Variants in ETV5 observed in about 807,000 individuals in gnomAD.
ETV5 encodes ETS variant transcription factor 5.
A neutral mutation model predicts 70.0 loss-of-function variants in ETV5; 10 were observed. The observed-to-expected ratio is 0.14, with a 90% CI of 0.09 to 0.24. The LOEUF (loss-of-function observed/expected upper bound fraction) is 0.24. Among genes scored for constraint, ETV5 ranks in the 10% least tolerant of loss-of-function variants. The probability of loss-of-function intolerance (pLI) is 1.00; values close to 1 mark genes in which losing one functional copy is unlikely to be tolerated. For synonymous variants in ETV5, 216 were observed against 242.2 expected (o/e 0.89, Z 1.01); for missense variants, 453 against 651.2 (o/e 0.70, Z 3.31).
At chr3:186,063,186 C>T (rs992261890) in intron 9 of ETV5, among the ~76,000 whole-genome samples, 7 of 152,200 alleles carry the variant, frequency 4.6e-5, no homozygotes, top group South Asian at 2.1e-4. Flanking sequence ...AGGAGAATGG[C>T]GTGAACCTGG....
intron 5 of ETV5, among the ~76,000 whole-genome samples, chr3:186,104,459 T>G (rs1227497152): frequency 1.3e-5 from 2 of 152,024 alleles, no homozygotes; most frequent in African/African-American, 4.8e-5. Flanking sequence ...AAAGTAAGAG[T>G]AAATCAGGCC....
intron 7 of ETV5, chr3:186,079,290 A>C: frequency 4.3e-6 from 1 of 230,648 alleles, no homozygotes; most frequent in East Asian, 6.3e-5. Context: ...TGTAAAAACC[A>C]CCTGCAGTGT....
chr3:186,100,135 C>G (rs957897431), intron 5 of ETV5, among the ~76,000 whole-genome samples: 2 of 152,184 alleles, frequency 1.3e-5, no homozygotes, highest in African/African-American at 4.8e-5. Flanking sequence ...CAGTAAGGTA[C>G]TGGGCTAACT....
At chr3:186,078,046 A>G in intron 7 of ETV5, 3 of 1,055,992 alleles carry the variant, frequency 2.8e-6, no homozygotes, top group Non-Finnish European at 3.4e-6. Context: ...CAAATAACTC[A>G]TCAATCCCAG....
chr3:186,096,203 C>G (rs762474746), intron 5 of ETV5, among the ~76,000 whole-genome samples: 3 of 152,132 alleles, frequency 2.0e-5, no homozygotes, highest in Non-Finnish European at 4.4e-5. Flanking sequence ...CAGAAATTTT[C>G]TGAGTCGAGA....
intron 5 of ETV5, among the ~76,000 whole-genome samples, chr3:186,097,841 GTTGT>G (rs1714341285): frequency 1.3e-5 from 2 of 152,338 alleles, no homozygotes; most frequent in Non-Finnish European, 1.5e-5. Context: ...CAGTCCCAGT[GTTGT>G]TTGAGTTGGT....
intron 7 of ETV5, among the ~76,000 whole-genome samples, chr3:186,078,830 G>A (rs566097811): frequency 6.6e-6 from 1 of 152,084 alleles, no homozygotes; most frequent in Non-Finnish European, 1.5e-5. Context: ...AGCAAAACGG[G>A]AAGGGGATCA....
chr3:186,066,998 TA>T (rs1458774159), intron 7 of ETV5, among the ~76,000 whole-genome samples: 1 of 152,190 alleles, frequency 6.6e-6, no homozygotes, highest in East Asian at 1.9e-4. Context: ...GGTTCCAATA[TA>T]AAAAGTGAAA....
At chr3:186,091,916 C>G (rs865787981) in intron 5 of ETV5, among the ~76,000 whole-genome samples, 1 of 152,148 alleles carries the variant, frequency 6.6e-6, no homozygotes, top group Admixed American at 6.5e-5. Flanking sequence ...AAATTAGAGC[C>G]AAGTCTTGCC....
chr3:186,100,145 TAACA>T (rs1204877972), intron 5 of ETV5, among the ~76,000 whole-genome samples: 2 of 152,174 alleles, frequency 1.3e-5, no homozygotes, highest in Non-Finnish European at 1.5e-5. Flanking sequence ...CTGGGCTAAC[TAACA>T]AACACTTTGA....
At chr3:186,075,459 G>GA (rs1263034169) in intron 7 of ETV5, among the ~76,000 whole-genome samples, 1 of 152,134 alleles carries the variant, frequency 6.6e-6, no homozygotes, top group Non-Finnish European at 1.5e-5. Context: ...AAGAGAGGAA[G>GA]AAAAAACAAG....
At chr3:186,080,803 C>G in intron 6 of ETV5, 1 of 315,840 alleles carries the variant, frequency 3.2e-6, no homozygotes, top group South Asian at 7.6e-5. Context: ...CCTAGAAGGA[C>G]TGGGTACCCT....
intron 5 of ETV5, among the ~76,000 whole-genome samples, chr3:186,096,085 A>C (rs1270827843): frequency 6.6e-6 from 1 of 152,240 alleles, no homozygotes; most frequent in Non-Finnish European, 1.5e-5. Context: ...AGTTGTCAAA[A>C]TACTAAATAC....
At chr3:186,065,328 T>G (rs1713414388) in intron 8 of ETV5, among the ~76,000 whole-genome samples, 1 of 152,172 alleles carries the variant, frequency 6.6e-6, no homozygotes. Context: ...GAAAAATACA[T>G]CAAAGCTTTC....
Position 186,090,088 on chromosome 3 carries a change from T to A in ETV5, c.233-8913A>T, listed in dbSNP as rs376671724. ...AATAAAACAGCTATTATGTCCCATT[T>A]CCTCTGAGATATTTGGAGGAAAAAA... On this transcript the variant is annotated intron_variant, in intron 5 of 12. Coordinates refer to ENST00000306376, the MANE Select transcript of ETV5 (RefSeq NM_004454.3). Among the ~76,000 whole-genome samples, 74 of 152,240 alleles carry A rather than the reference T, an allele frequency of 4.9e-4. No homozygotes were observed. The East Asian group carries it at 8.9e-3, about 18-fold the overall frequency.
intron 1 of ETV5, among the ~76,000 whole-genome samples, chr3:186,106,286 A>G (rs1000605740): frequency 1.3e-5 from 2 of 152,244 alleles, no homozygotes; most frequent in Non-Finnish European, 2.9e-5. Flanking sequence ...CATATACTCC[A>G]GGGCATTTGT....
At chr3:186,094,634 G>A (rs960104199) in intron 5 of ETV5, among the ~76,000 whole-genome samples, 1 of 152,188 alleles carries the variant, frequency 6.6e-6, no homozygotes, top group African/African-American at 2.4e-5. Flanking sequence ...TTGAATTTCA[G>A]CGTTAGAAAT....
intron 5 of ETV5, among the ~76,000 whole-genome samples, chr3:186,086,988 A>C (rs1714074182): frequency 6.6e-6 from 1 of 151,986 alleles, no homozygotes; most frequent in Admixed American, 6.6e-5. Flanking sequence ...AACAAAGAAA[A>C]AAGATGCCTA....
chr3:186,091,912 G>A (rs1476912151), intron 5 of ETV5, among the ~76,000 whole-genome samples: 1 of 152,216 alleles, frequency 6.6e-6, no homozygotes, highest in Non-Finnish European at 1.5e-5. Context: ...AATGAAATTA[G>A]AGCCAAGTCT....
Sources: allele counts gnomAD v4.1 joint callset (sites outside exome capture counted in the v4.1 genomes callset), GRCh38; gene constraint gnomAD v4.1.1; transcripts MANE v1.5; gene names NCBI Gene and HGNC (gene_info 2026-07-23, HGNC 2026-07-21).